PDCD6IP: variants seen among roughly 807,000 people sequenced by gnomAD.
PDCD6IP encodes the protein programmed cell death 6-interacting protein.
In PDCD6IP, 43 loss-of-function variants were observed where a neutral mutation model predicts 103.7. The ratio of observed to expected loss-of-function variants is 0.41; its 90% CI spans 0.32 to 0.53. PDCD6IP has a LOEUF of 0.53. Ranked by LOEUF, PDCD6IP falls within the 20% of genes least tolerant of loss-of-function variation. The pLI is 0.16. For missense variants in PDCD6IP, 871 were observed against 1,036.7 expected (o/e 0.84, Z 2.20); for synonymous variants, 354 against 378.7 (o/e 0.93, Z 0.76).
intron 15 of PDCD6IP, among the ~76,000 whole-genome samples, chr3:33,857,416 G>T (rs953460776): frequency 6.6e-6 from 1 of 151,854 alleles, no homozygotes. Context: ...CCTGACCTCA[G>T]GTAATTGGAA....
chr3:33,833,723 T>C (rs1697288124), intron 7 of PDCD6IP, among the ~76,000 whole-genome samples: 1 of 152,232 alleles, frequency 6.6e-6, no homozygotes, highest in Non-Finnish European at 1.5e-5. Context: ...GAGCTTTCAT[T>C]ATCTACTGGA....
At chr3:33,822,844 A>G (rs1269151922) in intron 4 of PDCD6IP, among the ~76,000 whole-genome samples, 1 of 151,956 alleles carries the variant, frequency 6.6e-6, no homozygotes, top group African/African-American at 2.4e-5. Context: ...TTTTTAGTAG[A>G]GATGGGGTTT....
intron 9 of PDCD6IP, among the ~76,000 whole-genome samples, chr3:33,839,797 AGT>A (rs1697430142): frequency 6.6e-6 from 1 of 152,102 alleles, no homozygotes; most frequent in South Asian, 2.1e-4. Context: ...TAGCTACTTT[AGT>A]GTGTGTGTAG....
chr3:33,819,585 A>G (rs1389699906), intron 3 of PDCD6IP, among the ~76,000 whole-genome samples: 2 of 152,188 alleles, frequency 1.3e-5, no homozygotes, highest in Non-Finnish European at 2.9e-5. Flanking sequence ...GCAAGTTGAA[A>G]ACTGGCCTTT....
intron 15 of PDCD6IP, among the ~76,000 whole-genome samples, chr3:33,856,787 G>C (rs1488101853): frequency 6.6e-6 from 1 of 152,204 alleles, no homozygotes; most frequent in Non-Finnish European, 1.5e-5. Context: ...CTGTATGCCA[G>C]AAGAGAGTGG....
chr3:33,837,868 C>G (rs1015889056), intron 8 of PDCD6IP, among the ~76,000 whole-genome samples: 7 of 152,078 alleles, frequency 4.6e-5, no homozygotes, highest in African/African-American at 1.4e-4. Context: ...GATTACAGGC[C>G]TTAGCCACTG....
rs775228323 is a variant in PDCD6IP, at chr3:33,853,958, C to T, written c.1970C>T (p.Ala657Val). The change falls in exon 14 of 18, where the codon GCT becomes GTT. Residue 657 changes from alanine (A) to valine (V), a missense_variant. By Grantham distance (64) the Ala-to-Val change is moderately conservative. Transcript: ENST00000307296. ...NLREEVLKNL[A>V]TAYDNFVELV... ...AGAGAAGAAGTTTTGAAGAATTTAG[C>T]TACTGCATATGACAACTTTGTTGAA... 1.1e-5 allele frequency: 17 copies of T among 1,589,046 alleles called. No homozygotes were observed. In the Admixed American group the frequency reaches 2.6e-4, roughly 24 times the overall value.
chr3:33,853,321 T>G (rs533442668), intron 13 of PDCD6IP, among the ~76,000 whole-genome samples: 1 of 152,138 alleles, frequency 6.6e-6, no homozygotes, highest in South Asian at 2.1e-4. Flanking sequence ...ATAGCTTTGG[T>G]TTTTTTTCCA....
intron 1 of PDCD6IP, among the ~76,000 whole-genome samples, chr3:33,800,493 G>A (rs1696452569): frequency 6.6e-6 from 1 of 152,136 alleles, no homozygotes; most frequent in South Asian, 2.1e-4. Flanking sequence ...GACTGGGGAA[G>A]GGTTGGTTCT....
At chr3:33,836,958 G>A (rs1002073635) in intron 8 of PDCD6IP, among the ~76,000 whole-genome samples, 1 of 150,542 alleles carries the variant, frequency 6.6e-6, no homozygotes, top group Non-Finnish European at 1.5e-5. Flanking sequence ...TATCGCTCTT[G>A]TTGCCCAGGC....
intron 12 of PDCD6IP, among the ~76,000 whole-genome samples, chr3:33,851,981 G>T (rs1401769444): frequency 6.6e-6 from 1 of 152,046 alleles, no homozygotes; most frequent in Non-Finnish European, 1.5e-5. Flanking sequence ...TACTTACCTA[G>T]CAAAATCATA....
At chr3:33,820,675 T>G (rs772695979) in intron 3 of PDCD6IP, among the ~76,000 whole-genome samples, 1 of 152,256 alleles carries the variant, frequency 6.6e-6, no homozygotes, top group African/African-American at 2.4e-5. Flanking sequence ...TTTTTGTGAC[T>G]GACATTTCAT....
rs762691139 is a variant in PDCD6IP at position 33,822,079 on chromosome 3, C to T, written c.459C>T (p.Tyr153=). ...DEGLKIAAKH[Y]QFASGAFLHI... ...GATTGAAAATCGCTGCTAAACATTA[C>T]CAGGTATGCTGAAAAGTAGTTACTA... The change falls in exon 4 of 18, where the codon TAC becomes TAT. Residue 153 remains tyrosine, a synonymous_variant. Transcript: ENST00000307296. 52 of 1,613,546 alleles carry T rather than the reference C, an allele frequency of 3.2e-5. No individual in the cohort carries two copies. The highest frequency in any genetic ancestry group is 2.9e-5 in the Non-Finnish European group (34 of 1,179,854).
At chr3:33,844,339 C>T (rs550877880) in intron 11 of PDCD6IP, 116 bp downstream of exon 11, 1 of 535,996 alleles carries the variant, frequency 1.9e-6, no homozygotes, top group South Asian at 3.5e-5. Flanking sequence ...TGTTTTTCCT[C>T]AGTTTTAGTA....
At chr3:33,839,754 C>T (rs949176438) in intron 9 of PDCD6IP, among the ~76,000 whole-genome samples, 7 of 152,320 alleles carry the variant, frequency 4.6e-5, no homozygotes, top group Middle Eastern at 3.4e-3. Context: ...TCTGCATCCT[C>T]ACCAATACTT....
intron 6 of PDCD6IP, chr3:33,828,405 T>C (rs1697175427): frequency 6.6e-6 from 1 of 152,286 alleles, no homozygotes; most frequent in African/African-American, 2.4e-5. Context: ...TATAGAGCAA[T>C]TTCATTAGTA....
At chr3:33,830,430 A>G (rs1170429811) in intron 7 of PDCD6IP, among the ~76,000 whole-genome samples, 1 of 152,218 alleles carries the variant, frequency 6.6e-6, no homozygotes, top group Non-Finnish European at 1.5e-5. Flanking sequence ...AGTCAGAGAA[A>G]GAACTCCTTT....
chr3:33,858,523 A>G (rs1281848160), intron 15 of PDCD6IP, among the ~76,000 whole-genome samples: 1 of 152,108 alleles, frequency 6.6e-6, no homozygotes, highest in African/African-American at 2.4e-5. Context: ...AGAAATAAAC[A>G]TATGCGGCCA....
chr3:33,841,500 G>A (rs1350653493), intron 9 of PDCD6IP, among the ~76,000 whole-genome samples: 4 of 141,084 alleles, frequency 2.8e-5, no homozygotes, highest in African/African-American at 5.4e-5. Context: ...GTGCGGTGGC[G>A]CGATCTCGGC....
Sources: gnomAD v4.1 joint callset for allele counts (sites outside exome capture counted in the v4.1 genomes callset) on GRCh38, gnomAD v4.1.1 for gene constraint, MANE v1.5 for transcripts, NCBI Gene and HGNC (gene_info 2026-07-23, HGNC 2026-07-21) for gene names.